The following OR2A12 variants were observed in gnomAD, a reference collection of about 807,000 sequenced individuals.
OR2A12 encodes olfactory receptor 2A12.
For synonymous variants in OR2A12, 153 were observed against 149.3 expected (o/e 1.02, Z -0.18); for missense variants, 380 against 372.5 (o/e 1.02, Z -0.17).
chr7:144,095,963 C>A lies in OR2A12; in HGVS notation c.856C>A (p.Pro286Thr). 1 of 1,614,070 alleles carries A rather than the reference C, an allele frequency of 6.2e-7. No individual in the cohort carries two copies. The highest frequency in any genetic ancestry group is 8.5e-7 in the Non-Finnish European group (1 of 1,179,986). Residue 286 changes from proline to threonine, a missense_variant, in exon 2 of 2, where the codon CCC becomes ACC. Physicochemically the swap from Pro to Thr is conservative, Grantham distance 38 (BLOSUM62 -1). Transcript: ENST00000641592. ...FYSLFNPILN[P>T]LIYSLRNAEV... ...CAGCCTTTTCAACCCGATCCTGAAC[C>A]CCCTCATCTACAGCCTTAGGAATGC...
rs1380164330 is a variant in OR2A12 at position 144,096,064 on chromosome 7, T to C, written c.*24T>C. 1 of 1,512,960 alleles carries C rather than the reference T, an allele frequency of 6.6e-7. No homozygotes were observed. The highest frequency in any genetic ancestry group is 9.0e-7 in the Non-Finnish European group (1 of 1,117,078). 93.7% of individuals were successfully genotyped at this position (1,512,960 alleles called of 1,614,324 possible). A position where few individuals can be genotyped will look rare whatever the true frequency, so the allele number is the denominator to read the frequency against. On this transcript the variant is annotated 3_prime_UTR_variant, in exon 2 of 2. Transcript: ENST00000641592. ...GAAGAATCATTTGAGATATCCTGAG[T>C]GTGTAAGCATGGTTCTCATGACCCT...
rs560117458 is a variant in OR2A12 at position 144,095,377 on chromosome 7, C to T, written c.270C>T (p.Val90=). ...CAAATCTTGTGATGCACAAAAAAGT[C>T]ATCTCCTTTGCTCCTTGCATACTTC... ...MLANLVMHKK[V]ISFAPCILQT... Residue 90 remains valine, a synonymous_variant, in exon 2 of 2, where the codon GTC becomes GTT. Transcript: ENST00000641592. 2 of 1,613,686 alleles carry T rather than the reference C, an allele frequency of 1.2e-6. No homozygotes were observed. Among genetic ancestry groups the T allele is most frequent in the South Asian group, 2.2e-5 (2 of 91,064 alleles).
Position 144,095,340 on chromosome 7 carries a change from C to G in OR2A12, c.233C>G (p.Pro78Arg). Residue 78 changes from proline to arginine, a missense_variant, in exon 2 of 2, where the codon CCT (proline) becomes CGT (arginine). Transcript: ENST00000641592. Reference protein sequence around the residue: ...VDMSYASSTVPKMLANLVMHK... With the variant: ...VDMSYASSTVRKMLANLVMHK... ...ATGTCCTATGCCTCGAGTACTGTCCCTAAGATGCTAGCAAATCTTGTGATG... is the reference window on the plus strand; with the variant it reads ...ATGTCCTATGCCTCGAGTACTGTCCGTAAGATGCTAGCAAATCTTGTGATG... The G allele has an allele frequency of 6.2e-7, 1 of 1,613,634 alleles. No individual in the cohort carries two copies.
At position 144,095,672 on chromosome 7, in the gene OR2A12, G is replaced by A. The variant is rs1313268243; in HGVS notation, c.565G>A (p.Ala189Thr). Residue 189 changes from alanine to threonine, a missense_variant, in exon 2 of 2, where the codon GCT becomes ACT. By Grantham distance (58) the Ala-to-Thr change is moderately conservative. Transcript: ENST00000641592. ...CATGTCCGTATTCAAATTGGCCTGT[G>A]CTGACACTAGGCTCAACCAGGTGGT... ...QIMSVFKLAC[A>T]DTRLNQVVLF... 3 of 1,614,102 alleles carry A rather than the reference G, an allele frequency of 1.9e-6. No individual in the cohort carries two copies.
chr7:144,088,731 A>G (rs2051205762), intron 1 of OR2A12, among the ~76,000 whole-genome samples: 1 of 152,192 alleles, frequency 6.6e-6, no homozygotes, highest in Admixed American at 6.5e-5. Flanking sequence ...TTAATAGTTC[A>G]TTGATTGAGT....
intron 1 of OR2A12, among the ~76,000 whole-genome samples, chr7:144,090,949 T>C (rs2051223325): frequency 6.6e-6 from 1 of 152,234 alleles, no homozygotes; most frequent in South Asian, 2.1e-4. Context: ...AATATTTAGG[T>C]TGATTCCATG....
chr7:144,088,231 C>G (rs558109155), intron 1 of OR2A12, among the ~76,000 whole-genome samples: 2 of 152,130 alleles, frequency 1.3e-5, no homozygotes, highest in African/African-American at 2.4e-5. Context: ...AGGCTGGTCT[C>G]GAACTCCTGA....
At chr7:144,090,739 T>C (rs1051392173) in intron 1 of OR2A12, among the ~76,000 whole-genome samples, 1 of 152,174 alleles carries the variant, frequency 6.6e-6, no homozygotes, top group Non-Finnish European at 1.5e-5. Flanking sequence ...CGTGTCCATG[T>C]GTTCTTATCA....
chr7:144,092,007 C>G (rs564545014), intron 1 of OR2A12, among the ~76,000 whole-genome samples: 2 of 152,256 alleles, frequency 1.3e-5, no homozygotes, highest in East Asian at 3.9e-4. Flanking sequence ...AGTCTTTAAT[C>G]CATCGTGAGT....
Position 144,097,824 on chromosome 7 carries a change from C to G in OR2A12, c.*1784C>G, listed in dbSNP as rs1254292027. On this transcript the variant is annotated 3_prime_UTR_variant, in exon 2 of 2. Coordinates refer to ENST00000641592, the MANE Select transcript of OR2A12 (RefSeq NM_001004135.2). ...AGATATTCAAATCATGCAGAAAATT[C>G]AACTTCTGGTGTATTCAAGATTTAA... The G allele has an allele frequency of 6.6e-6, 1 of 152,118 alleles. No individual in the cohort carries two copies. Among genetic ancestry groups the G allele is most frequent in the East Asian group, 1.9e-4 (1 of 5,202 alleles). 9.4% of individuals were successfully genotyped at this position (152,118 alleles called of 1,614,324 possible).
Position 144,096,742 on chromosome 7 carries a change from C to T in OR2A12, c.*702C>T, listed in dbSNP as rs921607296. 2.0e-4 allele frequency: 31 copies of T among 152,082 alleles called. 1 individual carries two copies. Among genetic ancestry groups the T allele is most frequent in the African/African-American group, 7.0e-4 (29 of 41,414 alleles). The allele number at this position is 152,082 out of a possible 1,614,324, so 9.4% of individuals were successfully genotyped here. On this transcript the variant is annotated 3_prime_UTR_variant, in exon 2 of 2. Transcript: ENST00000641592. ...CCCCACATTAACAAATTAAAGAATA[C>T]ATTTCATATGAACATCTCAGTAGAT...
intron 1 of OR2A12, among the ~76,000 whole-genome samples, chr7:144,093,260 C>T (rs533640375): frequency 5.9e-5 from 9 of 152,084 alleles, no homozygotes; most frequent in African/African-American, 1.9e-4. Flanking sequence ...GTTTCTTCCC[C>T]ATTTTCTTCA....
chr7:144,089,699 A>G (rs2051214957), intron 1 of OR2A12, among the ~76,000 whole-genome samples: 1 of 152,096 alleles, frequency 6.6e-6, no homozygotes, highest in Non-Finnish European at 1.5e-5. Context: ...CACAAGTTTA[A>G]TACATTATTT....
At position 144,095,894 on chromosome 7, in the gene OR2A12, T is replaced by G; in HGVS notation, c.787T>G (p.Ser263Ala). 6.2e-7 allele frequency: 1 copy of G among 1,614,082 alleles called. No individual in the cohort carries two copies. Among genetic ancestry groups the G allele is most frequent in the Non-Finnish European group, 8.5e-7 (1 of 1,180,010 alleles). ...SAIVMYMAPK[S>A]SHSQERRKIL... ...CATTGTCATGTACATGGCCCCCAAG[T>G]CAAGCCATTCTCAAGAACGGAGGAA... The change falls in exon 2 of 2, where the codon TCA becomes GCA. Residue 263 changes from serine to alanine, a missense_variant. Physicochemically the swap from Ser to Ala is moderately conservative, Grantham distance 99. Transcript: ENST00000641592.
At position 144,086,348 on chromosome 7, in the gene OR2A12, A is replaced by G. The variant is rs909904473; in HGVS notation, c.-247A>G. On this transcript the variant is annotated 5_prime_UTR_variant, in exon 1 of 2. Coordinates refer to ENST00000641592, the MANE Select transcript of OR2A12 (RefSeq NM_001004135.2). ...TGAGTTCTCACTTCTTTGCATAAGC[A>G]GGAACACAAGTGCACATGCGTGCAC... The G allele has an allele frequency of 3.9e-5, 6 of 152,692 alleles. No homozygotes were observed. The highest frequency in any genetic ancestry group is 1.9e-4 in the East Asian group (1 of 5,202). 9.5% of individuals were successfully genotyped at this position (152,692 alleles called of 1,614,324 possible). A position where few individuals can be genotyped will look rare whatever the true frequency, so the allele number is the denominator to read the frequency against.
At chr7:144,091,107 AG>A (rs1479991290) in intron 1 of OR2A12, among the ~76,000 whole-genome samples, 1 of 152,202 alleles carries the variant, frequency 6.6e-6, no homozygotes, top group Non-Finnish European at 1.5e-5. Flanking sequence ...AGAAATCTCC[AG>A]GGCTGGGTGC....
rs762384590 is a variant in OR2A12, at chr7:144,095,952, C to T, written c.845C>T (p.Pro282Leu). The T allele has an allele frequency of 1.2e-6, 2 of 1,614,036 alleles. No individual in the cohort carries two copies. Among genetic ancestry groups the T allele is most frequent in the Admixed American group, 1.7e-5 (1 of 60,018 alleles). The stretch of plus-strand genomic sequence containing the variant: ...TCCCTGTTTTACAGCCTTTTCAACC[C>T]GATCCTGAACCCCCTCATCTACAGC... ...ILSLFYSLFN[P>L]ILNPLIYSLR... The change falls in exon 2 of 2, where the codon CCG (proline) becomes CTG (leucine). Residue 282 changes from proline (P) to leucine (L), a missense_variant. Pro to Leu is a moderately conservative substitution (Grantham distance 98). Coordinates refer to ENST00000641592, the MANE Select transcript of OR2A12 (RefSeq NM_001004135.2).
At chr7:144,094,083 G>A (rs917629624) in intron 1 of OR2A12, among the ~76,000 whole-genome samples, 12 of 152,156 alleles carry the variant, frequency 7.9e-5, no homozygotes, top group Admixed American at 3.9e-4. Flanking sequence ...TGTTAAATTT[G>A]TGTTTTAAAA....
At position 144,095,173 on chromosome 7, in the gene OR2A12, G is replaced by A. The variant is rs2051252708; in HGVS notation, c.66G>A (p.Leu22=). The stretch of plus-strand genomic sequence containing the variant: ...TGGGATTCCAGGTGGACCCAGCTCT[G>A]GAGTTGTTCCTCTTTGGGTTTTTCT... ...ILLGFQVDPA[L]ELFLFGFFLL... The change falls in exon 2 of 2, where the codon CTG becomes CTA. Residue 22 remains leucine, a synonymous_variant. Coordinates refer to ENST00000641592, the MANE Select transcript of OR2A12 (RefSeq NM_001004135.2). 1 of 1,614,036 alleles carries A rather than the reference G, an allele frequency of 6.2e-7. No individual in the cohort carries two copies. The highest frequency in any genetic ancestry group is 8.5e-7 in the Non-Finnish European group (1 of 1,179,938).
Sources: allele counts gnomAD v4.1 joint callset (sites outside exome capture counted in the v4.1 genomes callset), GRCh38; gene constraint gnomAD v4.1.1; transcripts MANE v1.5; gene names NCBI Gene and HGNC (gene_info 2026-07-23, HGNC 2026-07-21).